The following ULK4 variants were observed in gnomAD, a reference collection of about 807,000 sequenced individuals.
ULK4 encodes inactive serine/threonine-protein kinase ULK4.
A neutral mutation model predicts 160.6 loss-of-function variants in ULK4; 133 were observed. That is an observed-to-expected ratio of 0.83 (90% CI 0.72 to 0.96). ULK4 has a LOEUF of 0.96. ULK4 is among the 40% of genes least tolerant of loss of function. ULK4 has a pLI of 0.00. For synonymous variants in ULK4, 534 were observed against 539.8 expected, an observed-to-expected ratio of 0.99 and a Z score of 0.15; for missense variants, 1,580 against 1,499.5, an observed-to-expected ratio of 1.05 and a Z score of -0.89.
intron 30 of ULK4, among the ~76,000 whole-genome samples, chr3:41,650,724 C>A (rs1478405180): frequency 1.3e-5 from 2 of 152,182 alleles, no homozygotes; most frequent in African/African-American, 4.8e-5. Flanking sequence ...CAGGCCAGAG[C>A]AAAACTCAGG....
At chr3:41,918,883 G>A (rs991888515) in intron 6 of ULK4, among the ~76,000 whole-genome samples, 2 of 152,116 alleles carry the variant, frequency 1.3e-5, no homozygotes, top group African/African-American at 2.4e-5. Flanking sequence ...TTACAGGCGT[G>A]AGCCACCACA....
At position 41,431,547 on chromosome 3, in the gene ULK4, C is replaced by CCTTTTTTTTTT. The variant is rs563543377; in HGVS notation, c.3492+23949_3492+23950insAAAAAAAAAAG. On this transcript the variant is annotated intron_variant, in intron 34 of 36. Transcript: ENST00000301831. Reference sequence around the variant, plus strand: ...CCTGTGAGGTGTTGTAATTCCCTCCCTTTTTTTTTTTTTTTGATGTGGAAA... The same window carrying CCTTTTTTTTTT: ...CCTGTGAGGTGTTGTAATTCCCTCCCCTTTTTTTTTTTTTTTTTTTTTTTTTGATGTGGAAA... 5.2e-4 allele frequency among the ~76,000 whole-genome samples: 50 copies of CCTTTTTTTTTT among 95,860 alleles called. 3 individuals are homozygous for CCTTTTTTTTTT. The highest frequency in any genetic ancestry group is 8.9e-4 in the African/African-American group (21 of 23,686). The allele number at this position is 95,860 out of a possible 152,430, so 62.9% of individuals were successfully genotyped here. A position where few individuals can be genotyped will look rare whatever the true frequency, so the allele number is the denominator to read the frequency against.
chr3:41,803,820 A>C (rs958885179), intron 19 of ULK4, among the ~76,000 whole-genome samples: 12 of 152,210 alleles, frequency 7.9e-5, no homozygotes, highest in African/African-American at 1.9e-4. Flanking sequence ...TGAACTCATC[A>C]TTTTTTATGG....
chr3:41,393,242 A>G (rs2076724193), intron 35 of ULK4, among the ~76,000 whole-genome samples: 1 of 152,208 alleles, frequency 6.6e-6, no homozygotes, highest in Admixed American at 6.6e-5. Flanking sequence ...CTACTATGGT[A>G]AAGTTTCATT....
chr3:41,683,434 T>C (rs531739286), intron 27 of ULK4, among the ~76,000 whole-genome samples: 1 of 151,680 alleles, frequency 6.6e-6, no homozygotes, highest in South Asian at 2.1e-4. Context: ...GAGGGAGGCA[T>C]GTGAGCCAGC....
intron 16 of ULK4, among the ~76,000 whole-genome samples, chr3:41,895,264 A>C (rs965689926): frequency 6.6e-6 from 1 of 152,202 alleles, no homozygotes; most frequent in Non-Finnish European, 1.5e-5. Context: ...TAAAAAAACA[A>C]TAACAGTTAA....
chr3:41,359,914 A>T (rs1442650064), intron 35 of ULK4, among the ~76,000 whole-genome samples: 1 of 152,214 alleles, frequency 6.6e-6, no homozygotes, highest in Non-Finnish European at 1.5e-5. Context: ...ACAAAAACAA[A>T]AATTGACAAA....
intron 34 of ULK4, among the ~76,000 whole-genome samples, chr3:41,443,129 C>T (rs571850307): frequency 1.3e-5 from 2 of 152,210 alleles, no homozygotes; most frequent in South Asian, 4.1e-4. Context: ...TCATCAAAAC[C>T]ACCCTTGTCA....
chr3:41,589,652 T>C (rs576761339), intron 31 of ULK4, among the ~76,000 whole-genome samples: 4 of 152,246 alleles, frequency 2.6e-5, no homozygotes, highest in African/African-American at 9.6e-5. Context: ...CTTCTAAATA[T>C]GCCTTAAAAA....
At chr3:41,507,826 G>C (rs2085447514) in intron 32 of ULK4, among the ~76,000 whole-genome samples, 1 of 152,140 alleles carries the variant, frequency 6.6e-6, no homozygotes, top group African/African-American at 2.4e-5. Context: ...AAGGTGGCAG[G>C]ACCAGCTTGC....
At chr3:41,482,676 T>C (rs2084370287) in intron 32 of ULK4, among the ~76,000 whole-genome samples, 1 of 152,218 alleles carries the variant, frequency 6.6e-6, no homozygotes, top group African/African-American at 2.4e-5. Flanking sequence ...TCAAGTTACT[T>C]TCTTGACTCC....
intron 35 of ULK4, among the ~76,000 whole-genome samples, chr3:41,289,130 A>T (rs922857157): frequency 2.0e-5 from 3 of 152,028 alleles, no homozygotes; most frequent in African/African-American, 2.4e-5. Flanking sequence ...ACATTTTAAA[A>T]TTTTCAGTTA....
At chr3:41,579,964 G>A (rs76067697) in intron 31 of ULK4, among the ~76,000 whole-genome samples, 1,912 of 152,252 alleles carry the variant, frequency 0.013, 40 homozygotes, top group African/African-American at 0.044. Context: ...TCTAACTCCA[G>A]GCACTTCAAG....
intron 31 of ULK4, among the ~76,000 whole-genome samples, chr3:41,567,187 T>C (rs372248883): frequency 6.6e-6 from 1 of 152,190 alleles, no homozygotes; most frequent in African/African-American, 2.4e-5. Context: ...TTTTAACGTA[T>C]AGCTATTTTG....
chr3:41,246,889 C>T lies in ULK4; in HGVS notation c.*40G>A. Reference sequence around the variant, plus strand: ...CTGACCTTGCTTATGCATCCGAGGGCTGGGGCCACAGGGCGGGCTTGTGCT... The same window carrying T: ...CTGACCTTGCTTATGCATCCGAGGGTTGGGGCCACAGGGCGGGCTTGTGCT... On this transcript the variant is annotated 3_prime_UTR_variant, in exon 37 of 37. Coordinates refer to ENST00000301831, the MANE Select transcript of ULK4 (RefSeq NM_017886.4). 1 of 1,607,482 alleles carries T rather than the reference C, an allele frequency of 6.2e-7. No individual in the cohort carries two copies. The highest frequency in any genetic ancestry group is 8.5e-7 in the Non-Finnish European group (1 of 1,176,808).
rs564765000 is a variant in ULK4 at position 41,347,338 on chromosome 3, G to T, written c.3678+50741C>A. 4.6e-5 allele frequency among the ~76,000 whole-genome samples: 7 copies of T among 152,202 alleles called. No individual in the cohort carries two copies. The East Asian group carries it at 1.2e-3, about 25-fold the overall frequency. On this transcript the variant is annotated intron_variant, in intron 35 of 36. Transcript: ENST00000301831. ...AAATCATAAAATAAAGAATTATTTT[G>T]TTGGAAATTAACTTCATAGTCTAAA...
chr3:41,610,747 C>T (rs1421332013), intron 31 of ULK4, among the ~76,000 whole-genome samples: 1 of 152,078 alleles, frequency 6.6e-6, no homozygotes, highest in Non-Finnish European at 1.5e-5. Context: ...TTAACATTTG[C>T]CACTGAAATT....
At chr3:41,265,959 AC>A (rs1286418889) in intron 35 of ULK4, among the ~76,000 whole-genome samples, 3 of 151,888 alleles carry the variant, frequency 2.0e-5, no homozygotes, top group Non-Finnish European at 4.4e-5. Flanking sequence ...TGGTCCACAC[AC>A]CCCCTGCTCT....
intron 31 of ULK4, among the ~76,000 whole-genome samples, chr3:41,589,846 A>G (rs1292944272): frequency 6.6e-6 from 1 of 152,142 alleles, no homozygotes; most frequent in East Asian, 1.9e-4. Context: ...TAAAAAGAAA[A>G]ATCAGTCAAA....
Sources: gnomAD v4.1 joint callset for allele counts (sites outside exome capture counted in the v4.1 genomes callset) on GRCh38, gnomAD v4.1.1 for gene constraint, MANE v1.5 for transcripts, NCBI Gene and HGNC (gene_info 2026-07-23, HGNC 2026-07-21) for gene names.